The following RPS6KA6 variants were observed in gnomAD, a reference collection of about 807,000 sequenced individuals.
RPS6KA6 encodes ribosomal protein S6 kinase A6, also known as ribosomal protein S6 kinase alpha-6.
Under a neutral mutation model 65.4 loss-of-function variants are expected in RPS6KA6, and 27 were observed. The ratio of observed to expected loss-of-function variants is 0.41; its 90% CI spans 0.30 to 0.57. The LOEUF is 0.57. RPS6KA6 is among the 20% of genes least tolerant of loss of function. RPS6KA6 has a pLI of 0.24. For missense variants in RPS6KA6, 486 were observed against 555.6 expected (o/e 0.87, Z 1.26); for synonymous variants, 190 against 184.2 (o/e 1.03, Z -0.26).
chrX:84,145,731 C>T (rs1211027504), intron 5 of RPS6KA6, among the ~76,000 whole-genome samples, 174 bp from the exon 6 acceptor site: 1 of 111,048 alleles, frequency 9.0e-6, no homozygotes, highest in Non-Finnish European at 1.9e-5. Context: ...TAGCTATAAA[C>T]CCCTTCCCAG....
At position 84,144,341 on chromosome X, in the gene RPS6KA6, A is replaced by G. The variant is rs772727598; in HGVS notation, c.501+1137T>C. 3.8e-5 allele frequency among the ~76,000 whole-genome samples: 4 copies of G among 105,980 alleles called. No individual in the cohort carries two copies. In the South Asian group the frequency reaches 1.9e-3, roughly 50 times the overall value. The allele number at this position is 105,980 out of a possible 115,157, so 92.0% of individuals were successfully genotyped here. On this transcript the variant is annotated intron_variant, in intron 6 of 21. Coordinates refer to ENST00000262752, the MANE Select transcript of RPS6KA6 (RefSeq NM_014496.5). ...CTCTCAAAACTCAATAAGAAAACAAACAATCCAATAAAAAAAAACAGGCTA... is the reference window on the plus strand; with the variant it reads ...CTCTCAAAACTCAATAAGAAAACAAGCAATCCAATAAAAAAAAACAGGCTA...
At chrX:84,108,002 T>C (rs888672824) in intron 12 of RPS6KA6, among the ~76,000 whole-genome samples, 2 of 112,009 alleles carry the variant, frequency 1.8e-5, no homozygotes, top group African/African-American at 6.5e-5. Flanking sequence ...AATATAACCA[T>C]GCAAATACAG....
At chrX:84,134,123 A>G (rs2034951652) in intron 8 of RPS6KA6, among the ~76,000 whole-genome samples, 1 of 111,842 alleles carries the variant, frequency 8.9e-6, no homozygotes, top group Non-Finnish European at 1.9e-5. Flanking sequence ...GCTCAGCACA[A>G]TGCCCTTGAG....
intron 8 of RPS6KA6, among the ~76,000 whole-genome samples, chrX:84,130,357 A>G (rs1018704074): frequency 6.3e-5 from 7 of 111,742 alleles, no homozygotes; most frequent in African/African-American, 9.7e-5. Context: ...AATACTAACA[A>G]TACAAAATGC....
At chrX:84,177,334 T>A (rs993777678) in intron 1 of RPS6KA6, among the ~76,000 whole-genome samples, 2 of 111,731 alleles carry the variant, frequency 1.8e-5, no homozygotes, top group Non-Finnish European at 3.8e-5. Flanking sequence ...TACTGAGTGC[T>A]TACAATGGAA....
chrX:84,086,540 TTTTC>T (rs769419367), intron 20 of RPS6KA6, among the ~76,000 whole-genome samples: 65 of 110,617 alleles, frequency 5.9e-4, no homozygotes, highest in African/African-American at 2.1e-3. Context: ...TGATTTCAGT[TTTTC>T]TTTTTTTTTG....
chrX:84,166,210 CT>C (rs2035594749), intron 1 of RPS6KA6, among the ~76,000 whole-genome samples: 1 of 111,690 alleles, frequency 9.0e-6, no homozygotes, highest in African/African-American at 3.3e-5. Flanking sequence ...CAAGACATAA[CT>C]TTGGAGTCAA....
intron 1 of RPS6KA6, among the ~76,000 whole-genome samples, chrX:84,179,489 T>C (rs1013147486): frequency 3.6e-5 from 4 of 111,831 alleles, no homozygotes; most frequent in African/African-American, 9.7e-5. Flanking sequence ...CATAACAGAC[T>C]AGTGCACAGC....
At chrX:84,152,654 C>G (rs1173597356) in intron 3 of RPS6KA6, among the ~76,000 whole-genome samples, 1 of 111,578 alleles carries the variant, frequency 9.0e-6, no homozygotes, top group East Asian at 2.8e-4. Context: ...TATTCTGTAT[C>G]AGACACTGTG....
intron 20 of RPS6KA6, among the ~76,000 whole-genome samples, chrX:84,067,659 G>A (rs932771001): frequency 2.5e-4 from 28 of 111,932 alleles, no homozygotes; most frequent in Admixed American, 2.2e-3. Context: ...ACCTGAAAGT[G>A]ATGGGGAGAA....
intron 3 of RPS6KA6, among the ~76,000 whole-genome samples, chrX:84,149,230 T>G (rs1000431121): frequency 1.5e-4 from 17 of 111,983 alleles, no homozygotes; most frequent in African/African-American, 4.9e-4. Flanking sequence ...CACCACATTT[T>G]CAGTGATTTC....
At chrX:84,128,822 T>C (rs1477883286) in intron 8 of RPS6KA6, among the ~76,000 whole-genome samples, 1 of 112,160 alleles carries the variant, frequency 8.9e-6, no homozygotes, top group Non-Finnish European at 1.9e-5. Context: ...TCTCTAGCTC[T>C]TGCTATATAC....
At chrX:84,147,739 G>A (rs1471987345) in intron 4 of RPS6KA6, among the ~76,000 whole-genome samples, 1 of 111,851 alleles carries the variant, frequency 8.9e-6, no homozygotes, top group Non-Finnish European at 1.9e-5. Flanking sequence ...TACTGACACA[G>A]ATAGAAAAGG....
intron 20 of RPS6KA6, among the ~76,000 whole-genome samples, chrX:84,071,279 A>G (rs774166719): frequency 2.7e-5 from 3 of 112,050 alleles, no homozygotes; most frequent in African/African-American, 9.7e-5. Context: ...ACAACCCAAG[A>G]CCTTGGAAAG....
chrX:84,069,184 C>T (rs1439106341), intron 20 of RPS6KA6, among the ~76,000 whole-genome samples: 2 of 111,792 alleles, frequency 1.8e-5, no homozygotes, highest in Non-Finnish European at 3.8e-5. Context: ...CTACAGTAAC[C>T]GAAACAGCAT....
At chrX:84,170,165 TAAA>T in intron 1 of RPS6KA6, among the ~76,000 whole-genome samples, 1 of 55,338 alleles carries the variant, frequency 1.8e-5, no homozygotes. Flanking sequence ...AGACTCCTTC[TAAA>T]AAAAAAAAAA....
At chrX:84,172,633 G>A (rs911997290) in intron 1 of RPS6KA6, among the ~76,000 whole-genome samples, 2 of 111,523 alleles carry the variant, frequency 1.8e-5, no homozygotes, top group Non-Finnish European at 3.8e-5. Context: ...CAAAAAAATC[G>A]AAAGCAGGGT....
At chrX:84,082,536 G>T (rs1215997376) in intron 20 of RPS6KA6, among the ~76,000 whole-genome samples, 2 of 111,909 alleles carry the variant, frequency 1.8e-5, no homozygotes, top group Admixed American at 9.5e-5. Context: ...GTAATTTATA[G>T]ATTCAATGCT....
At chrX:84,074,105 A>T (rs943375308) in intron 20 of RPS6KA6, among the ~76,000 whole-genome samples, 1 of 112,488 alleles carries the variant, frequency 8.9e-6, no homozygotes, top group Non-Finnish European at 1.9e-5. Flanking sequence ...ACAATAGACA[A>T]GATATAAAAG....
Sources: gnomAD v4.1 joint callset for allele counts (sites outside exome capture counted in the v4.1 genomes callset) on GRCh38, gnomAD v4.1.1 for gene constraint, MANE v1.5 for transcripts, NCBI Gene and HGNC (gene_info 2026-07-23, HGNC 2026-07-21) for gene names.